Variants in UGGT2 observed in about 807,000 individuals in gnomAD.
UGGT2 encodes UDP-glucose glycoprotein glucosyltransferase 2.
Under a neutral mutation model 192.1 loss-of-function variants are expected in UGGT2, and 180 were observed. The ratio of observed to expected loss-of-function variants is 0.94; its 90% confidence interval spans 0.83 to 1.06. The LOEUF (loss-of-function observed/expected upper bound fraction) is 1.06. Among genes scored for constraint, UGGT2 ranks in the 50% least tolerant of loss-of-function variants. The pLI, the probability that UGGT2 is intolerant of heterozygous loss-of-function variation, is 0.00. For missense variants in UGGT2, 1,849 were observed against 1,795.7 expected (o/e 1.03, Z -0.54); for synonymous variants, 580 against 591.0 (o/e 0.98, Z 0.27).
intron 36 of UGGT2, among the ~76,000 whole-genome samples, chr13:95,845,401 G>T (rs1054213667): frequency 9.3e-6 from 1 of 107,574 alleles, no homozygotes; most frequent in Non-Finnish European, 2.1e-5. Flanking sequence ...TCAAGCATCT[G>T]TTTAACAAAG....
chr13:95,926,892 T>A (rs2049031412), intron 19 of UGGT2, 136 bp downstream of exon 19: 1 of 781,074 alleles, frequency 1.3e-6, no homozygotes, highest in Admixed American at 3.5e-5. Context: ...TACTAAAAAA[T>A]TTACAAACTC....
chr13:95,940,527 C>T (rs2049638913), intron 15 of UGGT2, among the ~76,000 whole-genome samples: 1 of 145,904 alleles, frequency 6.9e-6, no homozygotes, highest in Non-Finnish European at 1.5e-5. Context: ...GATCATGGCT[C>T]ACTGCAGCTT....
chr13:95,970,683 ACG>A (rs936284774), intron 11 of UGGT2, among the ~76,000 whole-genome samples: 21 of 152,176 alleles, frequency 1.4e-4, no homozygotes, highest in African/African-American at 4.8e-4. Context: ...CATGAAGTTC[ACG>A]TGTGTTTGAA....
At chr13:95,888,960 A>T (rs983248636) in intron 25 of UGGT2, among the ~76,000 whole-genome samples, 5 of 152,008 alleles carry the variant, frequency 3.3e-5, no homozygotes, top group Non-Finnish European at 7.4e-5. Flanking sequence ...TATGACTAGA[A>T]GTATGCAGCA....
rs1021114245 is a variant in UGGT2 at position 95,883,607 on chromosome 13, C to T, written c.3228+884G>A. Among the ~76,000 whole-genome samples, 4 of 152,070 alleles carry T rather than the reference C, an allele frequency of 2.6e-5. No homozygotes were observed. The East Asian group carries it at 5.8e-4, about 22-fold the overall frequency. On this transcript the variant is annotated intron_variant, in intron 27 of 38. Transcript: ENST00000376747. The stretch of plus-strand genomic sequence containing the variant: ...TGATGGTGTTAAAGTGTGTGGCACT[C>T]CCCTCACACTCCTGCTGTCATGTGA...
intron 36 of UGGT2, among the ~76,000 whole-genome samples, chr13:95,837,809 A>G (rs1302269652): frequency 6.6e-6 from 1 of 152,172 alleles, no homozygotes; most frequent in Non-Finnish European, 1.5e-5. Flanking sequence ...CCTATAGAAG[A>G]TCTGCTTATA....
rs145661771 is a variant in UGGT2 at position 95,931,240 on chromosome 13, T to A, written c.1978-3904A>T. Reference sequence around the variant, plus strand: ...ATTGGTGCATTTACAAACCTCCAGCTAGACACAGGGTACTGATTGGTGTGT... The same window carrying A: ...ATTGGTGCATTTACAAACCTCCAGCAAGACACAGGGTACTGATTGGTGTGT... On this transcript the variant is annotated intron_variant, in intron 17 of 38. Coordinates refer to ENST00000376747, the MANE Select transcript of UGGT2 (RefSeq NM_020121.4). Among the ~76,000 whole-genome samples, 553 of 152,240 alleles carry A rather than the reference T, an allele frequency of 3.6e-3. 5 individuals carry two copies. The highest frequency in any genetic ancestry group is 5.4e-3 in the Non-Finnish European group (369 of 67,990).
At chr13:95,820,930 C>T (rs1041297356) in intron 38 of UGGT2, among the ~76,000 whole-genome samples, 1 of 152,102 alleles carries the variant, frequency 6.6e-6, no homozygotes. Context: ...TATTTTGTTC[C>T]TTACTAGTAT....
intron 16 of UGGT2, among the ~76,000 whole-genome samples, chr13:95,939,364 T>C (rs1193957288): frequency 1.3e-5 from 2 of 152,184 alleles, no homozygotes; most frequent in African/African-American, 4.8e-5. Context: ...TCCTCTTTCA[T>C]TCAATGTGTT....
chr13:95,888,118 T>C (rs1257097737), intron 25 of UGGT2, 147 bp from the exon 26 acceptor site: 1 of 518,450 alleles, frequency 1.9e-6, no homozygotes, highest in Non-Finnish European at 3.3e-6. Flanking sequence ...AATAGTACTT[T>C]TGCAGTTTAG....
At chr13:95,985,606 C>T (rs777396022) in intron 9 of UGGT2, among the ~76,000 whole-genome samples, 17 of 152,054 alleles carry the variant, frequency 1.1e-4, no homozygotes, top group Non-Finnish European at 2.2e-4. Flanking sequence ...CCATGCACTG[C>T]GACTTGTCAC....
chr13:95,935,214 C>T (rs540186886), intron 17 of UGGT2, among the ~76,000 whole-genome samples: 6 of 152,210 alleles, frequency 3.9e-5, no homozygotes, highest in East Asian at 1.9e-4. Flanking sequence ...TATTGGTACA[C>T]GAGGTTTTGA....
intron 20 of UGGT2, among the ~76,000 whole-genome samples, chr13:95,914,612 TAAAAAAAAAAAAAA>T (rs146990164): frequency 2.7e-4 from 22 of 80,996 alleles, no homozygotes; most frequent in African/African-American, 7.0e-4. Flanking sequence ...CCATCTCTAC[TAAAAAAAAAAAAAA>T]AAAAAAAAAA....
chr13:95,872,539 T>TA (rs1312031024), intron 29 of UGGT2, among the ~76,000 whole-genome samples: 1 of 152,172 alleles, frequency 6.6e-6, no homozygotes, highest in African/African-American at 2.4e-5. Context: ...TTGACCTCGT[T>TA]AGACTTTTTA....
At chr13:95,883,142 G>A (rs553472745) in intron 27 of UGGT2, among the ~76,000 whole-genome samples, 1 of 152,176 alleles carries the variant, frequency 6.6e-6, no homozygotes, top group South Asian at 2.1e-4. Context: ...TTACAGAAAA[G>A]TGATTTAGGA....
At chr13:95,935,421 T>C (rs1360291742) in intron 17 of UGGT2, among the ~76,000 whole-genome samples, 4 of 152,240 alleles carry the variant, frequency 2.6e-5, no homozygotes, top group Non-Finnish European at 5.9e-5. Flanking sequence ...CTCATTCACT[T>C]ATGAAGCTTA....
chr13:95,949,251 C>G (rs748620834), intron 13 of UGGT2, 84 bp downstream of exon 13: 1 of 1,244,572 alleles, frequency 8.0e-7, no homozygotes, highest in African/African-American at 1.6e-5. Context: ...AACTCAGATG[C>G]CTATTCATTG....
At chr13:95,881,047 G>C (rs529706461) in intron 27 of UGGT2, among the ~76,000 whole-genome samples, 2 of 152,074 alleles carry the variant, frequency 1.3e-5, no homozygotes, top group Non-Finnish European at 2.9e-5. Flanking sequence ...GGCAGCGGGC[G>C]CCTGCAGTCC....
At chr13:95,802,878 G>A (rs1884127690) in intron 38 of UGGT2, among the ~76,000 whole-genome samples, 1 of 152,178 alleles carries the variant, frequency 6.6e-6, no homozygotes. Flanking sequence ...CAGTCGTCCA[G>A]GCTGGAGTGC....
Sources: allele counts gnomAD v4.1 joint callset (sites outside exome capture counted in the v4.1 genomes callset), GRCh38; gene constraint gnomAD v4.1.1; transcripts MANE v1.5; gene names NCBI Gene and HGNC (gene_info 2026-07-23, HGNC 2026-07-21).